RAB11FIP4: variants seen among roughly 807,000 people sequenced by gnomAD.
The protein encoded by RAB11FIP4 is RAB11 family interacting protein 4.
RAB11FIP4 carries 23 observed loss-of-function variants against 74.3 expected under a neutral mutation model. The ratio of observed to expected loss-of-function variants is 0.31; its 90% CI spans 0.22 to 0.44. The LOEUF (loss-of-function observed/expected upper bound fraction) is 0.44, where lower values mean the gene tolerates loss of function less well. Ranked by LOEUF, RAB11FIP4 falls within the 20% of genes least tolerant of loss-of-function variation. The pLI is 1.00. For synonymous variants in RAB11FIP4, 360 were observed against 359.9 expected, an observed-to-expected ratio of 1.00 and a Z score of 0.00; for missense variants, 630 against 863.9, an observed-to-expected ratio of 0.73 and a Z score of 3.39.
chr17:31,536,851 T>A lies in RAB11FIP4; in HGVS notation c.*5119T>A, dbSNP rs2072972843. The A allele has an allele frequency of 5.0e-6, 2 of 397,544 alleles. No individual in the cohort carries two copies. Among genetic ancestry groups the A allele is most frequent in the Non-Finnish European group, 8.9e-6 (2 of 225,940 alleles). The allele number at this position is 397,544 out of a possible 1,614,324, so 24.6% of individuals were successfully genotyped here. A position where few individuals can be genotyped will look rare whatever the true frequency, so the allele number is the denominator to read the frequency against. On this transcript the variant is annotated 3_prime_UTR_variant, in exon 15 of 15. Coordinates refer to ENST00000621161, the MANE Select transcript of RAB11FIP4 (RefSeq NM_032932.6). ...TAGGCTGCCTTCTAGAAAGATTTGT[T>A]TCTAAAAGCGTAGACCCTGGGGAAG...
In RAB11FIP4 at chr17:31,395,362, G is replaced by A. The variant is rs79084243; in HGVS notation, c.159+3351G>A. On this transcript the variant is annotated intron_variant, in intron 1 of 14. Transcript: ENST00000621161. ...CCCACCGTGTAAGCATGAGATGTGCGTAGTGGCTTCCTTATAAAGGGTAGA... is the reference window on the plus strand; with the variant it reads ...CCCACCGTGTAAGCATGAGATGTGCATAGTGGCTTCCTTATAAAGGGTAGA... Among the ~76,000 whole-genome samples the A allele has an allele frequency of 7.5e-3, 1,138 of 152,284 alleles. 12 individuals carry two copies. Among genetic ancestry groups the A allele is most frequent in the African/African-American group, 0.024 (1,001 of 41,546 alleles).
At position 31,522,475 on chromosome 17, in the gene RAB11FIP4, G is replaced by A. The variant is rs563074395; in HGVS notation, c.929+80G>A. 1.8e-5 allele frequency: 25 copies of A among 1,389,662 alleles called. No individual in the cohort carries two copies. In the Middle Eastern group the frequency reaches 9.0e-4, roughly 50 times the overall value. The allele number at this position is 1,389,662 out of a possible 1,614,324, so 86.1% of individuals were successfully genotyped here. On this transcript the variant is annotated intron_variant, in intron 7 of 14. Coordinates refer to ENST00000621161, the MANE Select transcript of RAB11FIP4 (RefSeq NM_032932.6). Reference sequence around the variant, plus strand: ...GGCCGGGGCTCCCTGCCAGCAGCCCGGACTCAGCTGGTGCCCGCATGTGGC... The same window carrying A: ...GGCCGGGGCTCCCTGCCAGCAGCCCAGACTCAGCTGGTGCCCGCATGTGGC...
chr17:31,499,669 A>G (rs936656440), intron 3 of RAB11FIP4, among the ~76,000 whole-genome samples: 7 of 152,132 alleles, frequency 4.6e-5, no homozygotes, highest in Admixed American at 3.9e-4. Flanking sequence ...TTCCCCATCT[A>G]TAAGGAGGAA....
chr17:31,516,360 C>A (rs2072546600), intron 3 of RAB11FIP4, among the ~76,000 whole-genome samples: 1 of 152,022 alleles, frequency 6.6e-6, no homozygotes, highest in African/African-American at 2.4e-5. Flanking sequence ...CTCTGACAGA[C>A]TTTTGTGGTG....
chr17:31,474,331 G>A (rs2071768352), intron 3 of RAB11FIP4, among the ~76,000 whole-genome samples: 1 of 152,166 alleles, frequency 6.6e-6, no homozygotes, highest in South Asian at 2.1e-4. Flanking sequence ...TGCCAACCTT[G>A]AGAGCTGAGG....
rs2072799344 is a variant in RAB11FIP4 at position 31,528,075 on chromosome 17, T to A, written c.1356+152T>A. 4 of 686,830 alleles carry A rather than the reference T, an allele frequency of 5.8e-6. No homozygotes were observed. In the African/African-American group the frequency reaches 7.3e-5, roughly 12 times the overall value. 42.5% of individuals were successfully genotyped at this position (686,830 alleles called of 1,614,324 possible). Reference sequence around the variant, plus strand: ...GTTTCTGTATTTCTGATTTTCCAAGTTTTCTACAGCGAATGTATTTATTAC... The same window carrying A: ...GTTTCTGTATTTCTGATTTTCCAAGATTTCTACAGCGAATGTATTTATTAC... On this transcript the variant is annotated intron_variant, in intron 11 of 14. Coordinates refer to ENST00000621161, the MANE Select transcript of RAB11FIP4 (RefSeq NM_032932.6).
rs142540501 is a variant in RAB11FIP4 at position 31,404,772 on chromosome 17, G to A, written c.159+12761G>A. Among the ~76,000 whole-genome samples, 11 of 152,284 alleles carry A rather than the reference G, an allele frequency of 7.2e-5. No individual in the cohort carries two copies. In the South Asian group the frequency reaches 1.2e-3, roughly 17 times the overall value. The stretch of plus-strand genomic sequence containing the variant: ...GAAACCAGACCTGCGGGAAGGGTGC[G>A]GGCTTGTGCAGGTGTGGCTGAGGCA... On this transcript the variant is annotated intron_variant, in intron 1 of 14. Transcript: ENST00000621161.
rs73279831 is a variant in RAB11FIP4, at chr17:31,486,888, C to T, written c.337-30763C>T. Among the ~76,000 whole-genome samples, 990 of 152,256 alleles carry T rather than the reference C, an allele frequency of 6.5e-3. 15 individuals are homozygous for T. The highest frequency in any genetic ancestry group is 0.021 in the African/African-American group (882 of 41,526). ...GCCCTGGTAAACATAGGGGCCGCTG[C>T]GAATTTACTGGCAGGAGAGACTGAG... On this transcript the variant is annotated intron_variant, in intron 3 of 14. Transcript: ENST00000621161.
In RAB11FIP4 at chr17:31,525,222, C is replaced by T. The variant is rs905542994; in HGVS notation, c.1266C>T (p.Leu422=). Residue 422 remains leucine (L), a synonymous_variant, in exon 10 of 15, where the codon CTC becomes CTT. Transcript: ENST00000621161. The part of the protein sequence containing the change: ...EREKATEVEL[L]NARVQQLEEE... ...AGAAGGCTACCGAGGTGGAGCTGCT[C>T]AATGCCAGGTGGGCCCCTCCACCGA... is the stretch of plus-strand genomic sequence containing the variant. The T allele has an allele frequency of 4.4e-5, 68 of 1,546,300 alleles. No individual in the cohort carries two copies. In the Admixed American group the frequency reaches 1.3e-3, roughly 29 times the overall value.
chr17:31,531,757 C>G lies in RAB11FIP4; in HGVS notation c.*25C>G, dbSNP rs745508068. The G allele has an allele frequency of 6.6e-7, 1 of 1,517,816 alleles. No homozygotes were observed. The highest frequency in any genetic ancestry group is 1.7e-5 in the Admixed American group (1 of 59,476). 94.0% of individuals were successfully genotyped at this position (1,517,816 alleles called of 1,614,324 possible). On this transcript the variant is annotated 3_prime_UTR_variant, in exon 15 of 15. Transcript: ENST00000621161. Reference sequence around the variant, plus strand: ...AGGCACGGGGCTGGCTGCAGAGCAGCCTTAGGACCCTGGGACCAAGGGCAG... The same window carrying G: ...AGGCACGGGGCTGGCTGCAGAGCAGGCTTAGGACCCTGGGACCAAGGGCAG...
rs1041598209 is a variant in RAB11FIP4, at chr17:31,424,351, G to A, written c.160-7462G>A. On this transcript the variant is annotated intron_variant, in intron 1 of 14. Transcript: ENST00000621161. ...GAGGCTTGCTTGGCTTTAAATATTG[G>A]CATCTAATTTTAAGTCTGTCCTCAA... 3.3e-5 allele frequency among the ~76,000 whole-genome samples: 5 copies of A among 152,090 alleles called. No individual in the cohort carries two copies. In the South Asian group the frequency reaches 1.0e-3, roughly 32 times the overall value.
chr17:31,456,929 A>G (rs1341789505), intron 3 of RAB11FIP4, among the ~76,000 whole-genome samples: 1 of 152,118 alleles, frequency 6.6e-6, no homozygotes, highest in Non-Finnish European at 1.5e-5. Flanking sequence ...ATCCTCCTGC[A>G]CCTCCAAAGT....
intron 3 of RAB11FIP4, among the ~76,000 whole-genome samples, chr17:31,513,357 A>G (rs1357452832): frequency 6.6e-6 from 1 of 152,234 alleles, no homozygotes; most frequent in Non-Finnish European, 1.5e-5. Context: ...GAGTCCTAGT[A>G]TGCTTGACTC....
rs555737393 is a variant in RAB11FIP4, at chr17:31,396,193, AAAAAG to A, written c.159+4206_159+4210del. Among the ~76,000 whole-genome samples the A allele has an allele frequency of 2.5e-3, 307 of 124,802 alleles. 2 individuals are homozygous for A. The highest frequency in any genetic ancestry group is 0.019 in the East Asian group (90 of 4,706). 81.9% of individuals were successfully genotyped at this position (124,802 alleles called of 152,430 possible). On this transcript the variant is annotated intron_variant, in intron 1 of 14. Coordinates refer to ENST00000621161, the MANE Select transcript of RAB11FIP4 (RefSeq NM_032932.6). ...AGTGAGACCCTGCCACAAAAAAAAAAAAAAGAAAAGAAAAGAAAAGAAAAGAAAGA... is the reference window on the plus strand; with the variant it reads ...AGTGAGACCCTGCCACAAAAAAAAAAAAAAGAAAAGAAAAGAAAAGAAAGA...
rs769730537 is a variant in RAB11FIP4 at position 31,530,334 on chromosome 17, T to C, written c.1662T>C (p.Tyr554=). ...HEVKRLKQEN[Y]KLRDQNDDLN... ...CGTCCTTCTCTCTGTAGGAGAATTA[T>C]AAGCTGCGGGATCAGAACGACGACT... Residue 554 remains tyrosine, a synonymous_variant, in exon 14 of 15, where the codon TAT becomes TAC. Coordinates refer to ENST00000621161, the MANE Select transcript of RAB11FIP4 (RefSeq NM_032932.6). 9 of 1,614,032 alleles carry C rather than the reference T, an allele frequency of 5.6e-6. No individual in the cohort carries two copies. Among genetic ancestry groups the C allele is most frequent in the Admixed American group, 1.7e-5 (1 of 60,012 alleles).
At chr17:31,395,874 A>G (rs1224683083) in intron 1 of RAB11FIP4, among the ~76,000 whole-genome samples, 4 of 152,168 alleles carry the variant, frequency 2.6e-5, no homozygotes, top group Non-Finnish European at 5.9e-5. Flanking sequence ...TGACCTAGGT[A>G]TCACAGCAGA....
chr17:31,407,449 C>T (rs1242461003), intron 1 of RAB11FIP4, among the ~76,000 whole-genome samples: 1 of 152,176 alleles, frequency 6.6e-6, no homozygotes, highest in African/African-American at 2.4e-5. Context: ...AGATGAAAGA[C>T]ATCTTGACCT....
intron 3 of RAB11FIP4, among the ~76,000 whole-genome samples, chr17:31,438,604 C>T (rs147502434): frequency 0.012 from 1,834 of 152,180 alleles, 26 homozygotes; most frequent in South Asian, 0.048. Flanking sequence ...TCCTGGGACC[C>T]GTCCTTACCA....
chr17:31,484,955 G>A (rs553901529), intron 3 of RAB11FIP4, among the ~76,000 whole-genome samples: 1 of 152,324 alleles, frequency 6.6e-6, no homozygotes, highest in East Asian at 1.9e-4. Context: ...TTAGCAACAA[G>A]GTGGTAAAGC....
Sources: gnomAD v4.1 joint callset for allele counts (sites outside exome capture counted in the v4.1 genomes callset) on GRCh38, gnomAD v4.1.1 for gene constraint, MANE v1.5 for transcripts, NCBI Gene and HGNC (gene_info 2026-07-23, HGNC 2026-07-21) for gene names.